The following MTSS1 variants were observed in gnomAD, a reference collection of about 807,000 sequenced individuals.
The protein encoded by MTSS1 is protein MTSS 1.
In MTSS1, 18 loss-of-function variants were observed where a neutral mutation model predicts 79.0. That is an observed-to-expected ratio of 0.23 (90% CI 0.16 to 0.34). The LOEUF (loss-of-function observed/expected upper bound fraction) is 0.34. Ranked by LOEUF, MTSS1 falls within the 10% of genes least tolerant of loss-of-function variation. MTSS1 has a pLI of 1.00. For synonymous variants in MTSS1, 341 were observed against 368.6 expected (o/e 0.93, Z 0.86); for missense variants, 815 against 986.2 (o/e 0.83, Z 2.33).
At chr8:124,565,802 G>A (rs371334721) in intron 8 of MTSS1, 43 bp from the exon 9 acceptor site, 133 of 1,481,450 alleles carry the variant, frequency 9.0e-5, no homozygotes, top group Middle Eastern at 2.0e-4. Context: ...TGCTGAGAGG[G>A]GAAGCGTTAG....
In MTSS1 at chr8:124,584,437, T is replaced by C. The variant is rs531037317; in HGVS notation, c.460+650A>G. Among the ~76,000 whole-genome samples, 5 of 152,334 alleles carry C rather than the reference T, an allele frequency of 3.3e-5. No individual in the cohort carries two copies. The South Asian group carries it at 1.0e-3, about 32-fold the overall frequency. ...TAAAATGTCACAAGTGCTTGCAAAGTGGATGCTGCTAGATTTTTCTCTTCA... is the reference window on the plus strand; with the variant it reads ...TAAAATGTCACAAGTGCTTGCAAAGCGGATGCTGCTAGATTTTTCTCTTCA... On this transcript the variant is annotated intron_variant, in intron 6 of 13. Coordinates refer to ENST00000518547, the MANE Select transcript of MTSS1 (RefSeq NM_014751.6).
At chr8:124,705,545 A>C (rs1830272830) in intron 1 of MTSS1, among the ~76,000 whole-genome samples, 2 of 152,204 alleles carry the variant, frequency 1.3e-5, no homozygotes, top group Non-Finnish European at 2.9e-5. Context: ...ATTTTTGCAG[A>C]ACAGAGCGTA....
chr8:124,699,469 G>A (rs1488908211), intron 3 of MTSS1, 57 bp downstream of exon 3: 6 of 1,496,842 alleles, frequency 4.0e-6, no homozygotes, highest in Non-Finnish European at 5.6e-6. Context: ...CCACCCAAGG[G>A]GAAGAGTCCA....
chr8:124,702,863 T>C (rs1829895391), intron 2 of MTSS1, among the ~76,000 whole-genome samples: 1 of 152,166 alleles, frequency 6.6e-6, no homozygotes, highest in Admixed American at 6.5e-5. Flanking sequence ...TAAGTGAAAT[T>C]GTATCCCTTC....
chr8:124,558,534 G>A (rs914465559), intron 10 of MTSS1, among the ~76,000 whole-genome samples: 3 of 152,146 alleles, frequency 2.0e-5, no homozygotes, highest in African/African-American at 7.2e-5. Flanking sequence ...TTGTCCAGCA[G>A]CCAGGCACTC....
At chr8:124,633,888 T>C (rs1455202151) in intron 3 of MTSS1, among the ~76,000 whole-genome samples, 2 of 152,020 alleles carry the variant, frequency 1.3e-5, no homozygotes, top group East Asian at 3.9e-4. Context: ...TTTCCCAAAA[T>C]GTTTGAGTAA....
intron 5 of MTSS1, 53 bp from the exon 6 acceptor site, chr8:124,585,214 A>ATTTTC: frequency 7.4e-7 from 1 of 1,342,692 alleles, no homozygotes; most frequent in Non-Finnish European, 1.1e-6. Context: ...AACAGAAAAT[A>ATTTTC]TGTTAGGTAG....
intron 10 of MTSS1, among the ~76,000 whole-genome samples, chr8:124,558,263 T>G (rs1191860804): frequency 6.6e-6 from 1 of 151,672 alleles, no homozygotes; most frequent in Non-Finnish European, 1.5e-5. Flanking sequence ...CAAATGAATC[T>G]GTTCATTCTA....
Position 124,589,648 on chromosome 8 carries a change from G to A in MTSS1, c.357C>T (p.Ala119=). 1 of 1,613,382 alleles carries A rather than the reference G, an allele frequency of 6.2e-7. No homozygotes were observed. The highest frequency in any genetic ancestry group is 8.5e-7 in the Non-Finnish European group (1 of 1,179,692). The stretch of plus-strand genomic sequence containing the variant: ...TTGCGTGGTCTTTATCCAGCTGGTT[G>A]GCCACTTTCTTCCATTCTTCCATCT... The part of the protein sequence containing the change: ...QEQMEEWKKV[A]NQLDKDHAKE... Residue 119 remains alanine, a synonymous_variant, in exon 5 of 14, where the codon GCC becomes GCT. Coordinates refer to ENST00000518547, the MANE Select transcript of MTSS1 (RefSeq NM_014751.6).
At chr8:124,575,493 G>A (rs543445240) in intron 6 of MTSS1, among the ~76,000 whole-genome samples, 21 of 152,302 alleles carry the variant, frequency 1.4e-4, no homozygotes, top group Admixed American at 1.3e-3. Flanking sequence ...GGCACTATCA[G>A]CTGCCACCAC....
chr8:124,659,022 T>A (rs1489200830), intron 3 of MTSS1, among the ~76,000 whole-genome samples: 2 of 152,226 alleles, frequency 1.3e-5, no homozygotes, highest in Non-Finnish European at 2.9e-5. Flanking sequence ...TTATTTCAAA[T>A]GAATCTGAAC....
At position 124,567,275 on chromosome 8, in the gene MTSS1, T is replaced by C. The variant is rs184413969; in HGVS notation, c.619-97A>G. 1.1e-4 allele frequency: 115 copies of C among 1,013,856 alleles called. 1 individual carries two copies. In the East Asian group the frequency reaches 2.5e-3, roughly 22 times the overall value. The allele number at this position is 1,013,856 out of a possible 1,614,324, so 62.8% of individuals were successfully genotyped here. On this transcript the variant is annotated intron_variant, in intron 7 of 13. Transcript: ENST00000518547. The stretch of plus-strand genomic sequence containing the variant: ...TCATTAGGGTCTCTGTATAACCCTT[T>C]CAGTTTTTCAGAAAAGGCACTGTTG...
chr8:124,674,395 G>A (rs1178948271), intron 3 of MTSS1, among the ~76,000 whole-genome samples: 1 of 152,024 alleles, frequency 6.6e-6, no homozygotes, highest in South Asian at 2.1e-4. Context: ...TACACCCCAC[G>A]CATCGCCAGG....
chr8:124,620,657 C>T (rs78696277), intron 3 of MTSS1, among the ~76,000 whole-genome samples: 4,467 of 152,160 alleles, frequency 0.029, 170 homozygotes, highest in African/African-American at 0.095. Context: ...TTAAGTACAC[C>T]GATTTTATTG....
At chr8:124,667,795 C>T (rs1030636111) in intron 3 of MTSS1, among the ~76,000 whole-genome samples, 1 of 152,088 alleles carries the variant, frequency 6.6e-6, no homozygotes, top group African/African-American at 2.4e-5. Context: ...AGTCTCCAAG[C>T]GGCCAGGCAC....
intron 6 of MTSS1, among the ~76,000 whole-genome samples, chr8:124,572,743 C>CTTTTCTTTTT (rs1554644727): frequency 2.4e-5 from 3 of 123,668 alleles, no homozygotes; most frequent in African/African-American, 9.2e-5. Flanking sequence ...CTTTTCTTTT[C>CTTTTCTTTTT]TTTTTTTTTT....
intron 3 of MTSS1, among the ~76,000 whole-genome samples, chr8:124,659,363 C>T (rs998015079): frequency 1.3e-5 from 2 of 152,166 alleles, no homozygotes; most frequent in East Asian, 3.8e-4. Context: ...GACACTCAAT[C>T]TATTTCTGTG....
chr8:124,704,337 A>G lies in MTSS1; in HGVS notation c.73-146T>C. On this transcript the variant is annotated intron_variant, in intron 1 of 13. Coordinates refer to ENST00000518547, the MANE Select transcript of MTSS1 (RefSeq NM_014751.6). ...GTCTGCAATACGTTTCCCGGATTCT[A>G]TATACATGTATTGGCTCAGGAATCA... 4.2e-6 allele frequency: 3 copies of G among 709,942 alleles called. No individual in the cohort carries two copies. In the South Asian group the frequency reaches 4.8e-5, roughly 11 times the overall value. 44.0% of individuals were successfully genotyped at this position (709,942 alleles called of 1,614,324 possible). A position where few individuals can be genotyped will look rare whatever the true frequency, so the allele number is the denominator to read the frequency against.
chr8:124,562,957 G>A lies in MTSS1; in HGVS notation c.860C>T (p.Ser287Phe), dbSNP rs554294362. The part of the protein sequence containing the change: ...LNSVNSSDSR[S>F]SGSHSHSPSS... ...GGGGGAATGCGAGTGGGAGCCGCTG[G>A]ACCGGGAGTCACTGCTGTTGACACT... Residue 287 changes from serine (S) to phenylalanine (F), a missense_variant, in exon 10 of 14, where the codon TCC (serine) becomes TTC (phenylalanine). This residue lies in a region of MTSS1 where 225 missense variants were observed against 365.4 expected (regional missense o/e 0.62). Coordinates refer to ENST00000518547, the MANE Select transcript of MTSS1 (RefSeq NM_014751.6). 1 of 1,612,216 alleles carries A rather than the reference G, an allele frequency of 6.2e-7. No homozygotes were observed. Among genetic ancestry groups the A allele is most frequent in the Non-Finnish European group, 8.5e-7 (1 of 1,179,328 alleles).
Sources: gnomAD v4.1 joint callset for allele counts (sites outside exome capture counted in the v4.1 genomes callset) on GRCh38, gnomAD v4.1.1 for gene constraint, gnomAD v4.1.1 regional missense constraint, MANE v1.5 for transcripts, NCBI Gene and HGNC (gene_info 2026-07-23, HGNC 2026-07-21) for gene names.